TANC1: variants seen among roughly 807,000 people sequenced by gnomAD.
TANC1 encodes the protein protein TANC1.
Under a neutral mutation model 149.7 loss-of-function variants are expected in TANC1, and 77 were observed. The ratio of observed to expected loss-of-function variants is 0.51; its 90% CI spans 0.43 to 0.62. The LOEUF (loss-of-function observed/expected upper bound fraction) is 0.62. TANC1 is among the 20% of genes least tolerant of loss of function. The pLI, the probability that TANC1 is intolerant of heterozygous loss-of-function variation, is 0.00. For missense variants in TANC1, 1,985 were observed against 2,321.8 expected (o/e 0.85, Z 2.98); for synonymous variants, 854 against 925.0 (o/e 0.92, Z 1.39).
chr2:159,084,787 C>T (rs1018144339), intron 3 of TANC1, among the ~76,000 whole-genome samples: 1 of 152,154 alleles, frequency 6.6e-6, no homozygotes, highest in Non-Finnish European at 1.5e-5. Context: ...TTCTTTAGCA[C>T]CAAGCAATGC....
At position 159,195,446 on chromosome 2, in the gene TANC1, A is replaced by T. The variant is rs543690363; in HGVS notation, c.2979+953A>T. Among the ~76,000 whole-genome samples the T allele has an allele frequency of 6.6e-5, 10 of 152,316 alleles. No homozygotes were observed. The South Asian group carries it at 1.4e-3, about 22-fold the overall frequency. On this transcript the variant is annotated intron_variant, in intron 17 of 26. Coordinates refer to ENST00000263635, the MANE Select transcript of TANC1 (RefSeq NM_033394.3). ...GGAGCTGTCAGCTTTAATAGGGTGA[A>T]TGAGAATGATATCGAGCTCACAGTA...
Position 159,005,140 on chromosome 2 carries a change from T to A in TANC1, c.-16+3951T>A, listed in dbSNP as rs536932902. Among the ~76,000 whole-genome samples the A allele has an allele frequency of 2.6e-5, 4 of 152,320 alleles. No homozygotes were observed. In the South Asian group the frequency reaches 6.2e-4, roughly 24 times the overall value. ...GTGGGCCAGTTGTTCCTTGCCCTCA[T>A]TCCGATAAACCCACAACCTTCAGCA... On this transcript the variant is annotated intron_variant, in intron 2 of 26. Coordinates refer to ENST00000263635, the MANE Select transcript of TANC1 (RefSeq NM_033394.3).
intron 20 of TANC1, 118 bp from the exon 21 acceptor site, chr2:159,219,120 T>TA: frequency 8.0e-6 from 11 of 1,374,764 alleles, no homozygotes; most frequent in Non-Finnish European, 1.1e-5. Flanking sequence ...TCACACAACT[T>TA]ACAGATTTTT....
At chr2:159,124,391 C>A (rs908143327) in intron 4 of TANC1, among the ~76,000 whole-genome samples, 1 of 152,040 alleles carries the variant, frequency 6.6e-6, no homozygotes, top group African/African-American at 2.4e-5. Context: ...ACTCTGTGGT[C>A]TGGGGAGGGG....
At chr2:159,065,379 GTATT>G (rs1202168888) in intron 2 of TANC1, among the ~76,000 whole-genome samples, 15 of 152,176 alleles carry the variant, frequency 9.9e-5, no homozygotes, top group African/African-American at 3.4e-4. Flanking sequence ...TGTTCCCACT[GTATT>G]TATTTTGCAA....
intron 1 of TANC1, among the ~76,000 whole-genome samples, chr2:158,993,255 G>GT (rs150545676): frequency 0.024 from 3,669 of 152,178 alleles, 142 homozygotes; most frequent in African/African-American, 0.083. Context: ...GTTTTGTTTT[G>GT]TTTTTTGTTC....
At chr2:159,085,214 C>G (rs185232766) in intron 3 of TANC1, among the ~76,000 whole-genome samples, 25 of 152,156 alleles carry the variant, frequency 1.6e-4, no homozygotes, top group Non-Finnish European at 2.6e-4. Flanking sequence ...CAGCTTTTCC[C>G]CTTTGCTTGT....
At chr2:159,006,480 T>G (rs555462228) in intron 2 of TANC1, among the ~76,000 whole-genome samples, 1 of 152,342 alleles carries the variant, frequency 6.6e-6, no homozygotes, top group East Asian at 1.9e-4. Context: ...TTTTTCACTT[T>G]ACAATCCTTT....
intron 3 of TANC1, among the ~76,000 whole-genome samples, chr2:159,069,983 T>C (rs2149716457): frequency 6.6e-6 from 1 of 152,036 alleles, no homozygotes; most frequent in East Asian, 1.9e-4. Context: ...GTTTCCGCCA[T>C]GTTGCCCAGG....
At chr2:158,988,089 G>C (rs2035212374) in intron 1 of TANC1, among the ~76,000 whole-genome samples, 1 of 152,076 alleles carries the variant, frequency 6.6e-6, no homozygotes. Context: ...TTGGGAGGCT[G>C]TGGTGGGCAG....
At chr2:159,021,579 A>G (rs1268865887) in intron 2 of TANC1, among the ~76,000 whole-genome samples, 2 of 151,980 alleles carry the variant, frequency 1.3e-5, no homozygotes, top group Non-Finnish European at 2.9e-5. Context: ...TAGCCATTGC[A>G]CTCCAGCCTG....
At chr2:159,026,280 C>G (rs2039334525) in intron 2 of TANC1, among the ~76,000 whole-genome samples, 1 of 152,170 alleles carries the variant, frequency 6.6e-6, no homozygotes, top group South Asian at 2.1e-4. Flanking sequence ...CCTCCTCAGC[C>G]TTTAAAAGCT....
chr2:159,057,476 C>A (rs2041937169), intron 2 of TANC1, among the ~76,000 whole-genome samples: 1 of 152,186 alleles, frequency 6.6e-6, no homozygotes, highest in African/African-American at 2.4e-5. Flanking sequence ...AACACTCATT[C>A]CTTAATTGGA....
At chr2:159,177,425 C>T (rs1449887806) in intron 13 of TANC1, among the ~76,000 whole-genome samples, 3 of 151,866 alleles carry the variant, frequency 2.0e-5, no homozygotes, top group Non-Finnish European at 4.4e-5. Flanking sequence ...GATTTTTGCC[C>T]TTTTATGATA....
intron 2 of TANC1, among the ~76,000 whole-genome samples, chr2:159,032,947 T>C (rs1244706929): frequency 1.3e-5 from 2 of 152,178 alleles, no homozygotes; most frequent in African/African-American, 4.8e-5. Flanking sequence ...TACTCTTGCC[T>C]GAATCAATTT....
chr2:159,053,302 A>T (rs1382302976), intron 2 of TANC1, among the ~76,000 whole-genome samples: 1 of 152,110 alleles, frequency 6.6e-6, no homozygotes, highest in Non-Finnish European at 1.5e-5. Flanking sequence ...AGAAAAAAAT[A>T]AAGCTATTGT....
chr2:158,998,245 CA>C (rs1284681130), intron 1 of TANC1, among the ~76,000 whole-genome samples: 89 of 132,658 alleles, frequency 6.7e-4, no homozygotes, highest in Admixed American at 7.0e-4. Flanking sequence ...GACCCTGTCT[CA>C]AAAAAAAAAA....
Position 159,232,259 on chromosome 2 carries a change from G to C in TANC1, c.*1247G>C, listed in dbSNP as rs2060359373. On this transcript the variant is annotated 3_prime_UTR_variant, in exon 27 of 27. Coordinates refer to ENST00000263635, the MANE Select transcript of TANC1 (RefSeq NM_033394.3). ...TTAAAGGTATTTTTATATGAAAATG[G>C]TGTGTTATTGGAAGATGTTAAAATG... is the stretch of plus-strand genomic sequence containing the variant. 1 of 152,636 alleles carries C rather than the reference G, an allele frequency of 6.6e-6. No individual in the cohort carries two copies. Among genetic ancestry groups the C allele is most frequent in the African/African-American group, 2.4e-5 (1 of 41,450 alleles). The allele number at this position is 152,636 out of a possible 1,614,324, so 9.5% of individuals were successfully genotyped here.
intron 7 of TANC1, among the ~76,000 whole-genome samples, chr2:159,162,162 G>C (rs2054111940): frequency 6.6e-6 from 1 of 152,212 alleles, no homozygotes; most frequent in Non-Finnish European, 1.5e-5. Flanking sequence ...AAACCCTTCA[G>C]ACCCTTTGAT....
Sources: gnomAD v4.1 joint callset for allele counts (sites outside exome capture counted in the v4.1 genomes callset) on GRCh38, gnomAD v4.1.1 for gene constraint, MANE v1.5 for transcripts, NCBI Gene and HGNC (gene_info 2026-07-23, HGNC 2026-07-21) for gene names.